The following CARS1 variants were observed in gnomAD, a reference collection of about 807,000 sequenced individuals.
CARS1 encodes cysteine--tRNA ligase, cytoplasmic.
CARS1 carries 48 observed loss-of-function variants against 106.2 expected under a neutral mutation model. The ratio of observed to expected loss-of-function variants is 0.45; its 90% confidence interval spans 0.36 to 0.57. The LOEUF is 0.57. CARS1 is among the 20% of genes least tolerant of loss of function. The pLI is 0.00. For missense variants in CARS1, 968 were observed against 1,057.2 expected (o/e 0.92, Z 1.17); for synonymous variants, 409 against 403.4 (o/e 1.01, Z -0.17).
At position 3,046,457 on chromosome 11, in the gene CARS1, G is replaced by T. The variant is rs3782077; in HGVS notation, c.274+1296C>A. Among the ~76,000 whole-genome samples the T allele has an allele frequency of 0.17, 26,445 of 152,112 alleles. 2,803 individuals are homozygous for T. The highest frequency in any genetic ancestry group is 0.29 in the South Asian group (1,401 of 4,826). ...GTGACCGCGCTGGAGGCTCAGGCAG[G>T]AACGGCTACATGGGGAAGGACGTGA... On this transcript the variant is annotated intron_variant, in intron 2 of 22. Coordinates refer to ENST00000380525, the MANE Select transcript of CARS1 (RefSeq NM_001014437.3). The surrounding 1 kb of genome is among the most constrained non-coding windows in gnomAD (Gnocchi z 5.8).
rs1389116271 is a variant in CARS1, at chr11:3,038,938, T to A, written c.651+256A>T. Among the ~76,000 whole-genome samples the A allele has an allele frequency of 6.6e-6, 1 of 152,218 alleles. No homozygotes were observed. Among genetic ancestry groups the A allele is most frequent in the African/African-American group, 2.4e-5 (1 of 41,448 alleles). On this transcript the variant is annotated intron_variant, in intron 6 of 22. Transcript: ENST00000380525. The surrounding 1 kb of genome is among the most constrained non-coding windows in gnomAD (Gnocchi z 4.0). ...GTGTAATTAGTGGCACTGTGATGAA[T>A]TCAGTTGTTTTCCTGTAAGTGGCAG...
At chr11:3,013,753 T>C (rs1390020832) in intron 17 of CARS1, among the ~76,000 whole-genome samples, 1 of 152,100 alleles carries the variant, frequency 6.6e-6, no homozygotes, top group Non-Finnish European at 1.5e-5. Context: ...CTCAGGAGGC[T>C]GAGGCAGGAG....
chr11:3,036,637 A>G (rs576009300), intron 7 of CARS1, among the ~76,000 whole-genome samples: 1 of 152,378 alleles, frequency 6.6e-6, no homozygotes, highest in East Asian at 1.9e-4. Context: ...TATCAAAAAT[A>G]GAATCATCAC....
rs978506195 is a variant in CARS1, at chr11:3,006,964, A to C, written c.2069-5T>G. On this transcript the variant is annotated splice_region_variant and splice_polypyrimidine_tract_variant and intron_variant, in intron 18 of 22. Coordinates refer to ENST00000380525, the MANE Select transcript of CARS1 (RefSeq NM_001014437.3). ...TGAGCTGCAGAATCTCAGGGACTGT[A>C]GGAGAAGCAGAGCAGTTCCCTCAGA... The C allele has an allele frequency of 1.2e-6, 2 of 1,612,662 alleles. No homozygotes were observed. Among genetic ancestry groups the C allele is most frequent in the African/African-American group, 2.7e-5 (2 of 74,914 alleles).
In CARS1 at chr11:3,029,110, G is replaced by A; in HGVS notation, c.943-26C>T. ...CTGTGCAAGACATGAGAATGTCCTGGGATTTTCCCTTCTGAAAACCACGCG... is the reference window on the plus strand; with the variant it reads ...CTGTGCAAGACATGAGAATGTCCTGAGATTTTCCCTTCTGAAAACCACGCG... On this transcript the variant is annotated intron_variant, in intron 8 of 22. Coordinates refer to ENST00000380525, the MANE Select transcript of CARS1 (RefSeq NM_001014437.3). The surrounding 1 kb of genome is among the most constrained non-coding windows in gnomAD (Gnocchi z 5.9). The A allele has an allele frequency of 6.4e-7, 1 of 1,574,194 alleles. No homozygotes were observed. Among genetic ancestry groups the A allele is most frequent in the Non-Finnish European group, 8.7e-7 (1 of 1,143,786 alleles).
intron 16 of CARS1, 38 bp from the exon 17 acceptor site, chr11:3,015,887 A>T: frequency 1.3e-6 from 2 of 1,560,074 alleles, no homozygotes; most frequent in South Asian, 2.2e-5. Context: ...AGCTGCGGCA[A>T]GATGAAGGCG....
rs372301669 is a variant in CARS1 at position 3,018,075 on chromosome 11, C to A, written c.1630-121G>T. 6.4e-4 allele frequency: 429 copies of A among 666,998 alleles called. 1 individual carries two copies. The highest frequency in any genetic ancestry group is 4.6e-3 in the South Asian group (257 of 55,524). The allele number at this position is 666,998 out of a possible 1,614,324, so 41.3% of individuals were successfully genotyped here. A position where few individuals can be genotyped will look rare whatever the true frequency, so the allele number is the denominator to read the frequency against. ...AAAAATCTGAAAGACCAGAATTACA[C>A]AAGTGGTCAGAAAGAAAGGAAAAGA... On this transcript the variant is annotated intron_variant, in intron 14 of 22. Transcript: ENST00000380525.
chr11:3,011,755 G>C (rs919605977), intron 18 of CARS1, among the ~76,000 whole-genome samples: 5 of 152,194 alleles, frequency 3.3e-5, no homozygotes, highest in African/African-American at 4.8e-5. Flanking sequence ...GGCTCCACTC[G>C]GCAGCAGGAA....
At position 3,038,272 on chromosome 11, in the gene CARS1, G is replaced by C; in HGVS notation, c.652-73C>G. ...ACCTAAATTCATAAAGGTGATTCCA[G>C]GTAGAAAACAGAACGGTTTTTCCCA... On this transcript the variant is annotated intron_variant, in intron 6 of 22. Coordinates refer to ENST00000380525, the MANE Select transcript of CARS1 (RefSeq NM_001014437.3). This position sits in a 1 kb window ranked among gnomAD's most constrained non-coding sequence, Gnocchi z 4.0. 1 of 1,421,950 alleles carries C rather than the reference G, an allele frequency of 7.0e-7. No homozygotes were observed. Among genetic ancestry groups the C allele is most frequent in the Non-Finnish European group, 9.8e-7 (1 of 1,018,594 alleles). The allele number at this position is 1,421,950 out of a possible 1,614,324, so 88.1% of individuals were successfully genotyped here. A position where few individuals can be genotyped will look rare whatever the true frequency, so the allele number is the denominator to read the frequency against.
Position 3,048,945 on chromosome 11 carries a change from A to G in CARS1, c.26-944T>C, listed in dbSNP as rs545885283. The stretch of plus-strand genomic sequence containing the variant: ...CCCAAGAGCCACTGTTCCGCATGTC[A>G]CCATTGGGAGGAGGAGCAGAACCCT... On this transcript the variant is annotated intron_variant, in intron 1 of 22. Coordinates refer to ENST00000380525, the MANE Select transcript of CARS1 (RefSeq NM_001014437.3). The surrounding 1 kb of genome is among the most constrained non-coding windows in gnomAD (Gnocchi z 5.1). Among the ~76,000 whole-genome samples the G allele has an allele frequency of 6.6e-6, 1 of 152,148 alleles. No individual in the cohort carries two copies. The highest frequency in any genetic ancestry group is 1.5e-5 in the Non-Finnish European group (1 of 68,018).
Position 3,005,226 on chromosome 11 carries a change from T to A in CARS1, c.2217+140A>T, listed in dbSNP as rs546258018. Reference sequence around the variant, plus strand: ...CCTTCATTAGAAGATACTAGTTAATTTTTCTTTCTGACATTTATAAATACT... The same window carrying A: ...CCTTCATTAGAAGATACTAGTTAATATTTCTTTCTGACATTTATAAATACT... On this transcript the variant is annotated intron_variant, in intron 20 of 22. Coordinates refer to ENST00000380525, the MANE Select transcript of CARS1 (RefSeq NM_001014437.3). The A allele has an allele frequency of 8.0e-6, 5 of 628,418 alleles. No individual in the cohort carries two copies. In the African/African-American group the frequency reaches 9.5e-5, roughly 12 times the overall value. 38.9% of individuals were successfully genotyped at this position (628,418 alleles called of 1,614,324 possible).
rs1251807815 is a variant in CARS1 at position 3,045,778 on chromosome 11, A to G, written c.274+1975T>C. 1.3e-5 allele frequency among the ~76,000 whole-genome samples: 2 copies of G among 152,178 alleles called. No individual in the cohort carries two copies. The highest frequency in any genetic ancestry group is 3.9e-4 in the East Asian group (2 of 5,188). On this transcript the variant is annotated intron_variant, in intron 2 of 22. Coordinates refer to ENST00000380525, the MANE Select transcript of CARS1 (RefSeq NM_001014437.3). This position sits in a 1 kb window ranked among gnomAD's most constrained non-coding sequence, Gnocchi z 5.6. ...CATGCTTGGGGAGTATGAGCCATGG[A>G]AAGAGAGGGCGTTCCCACTCAGTGG...
At chr11:3,031,100 T>A (rs1246612461) in intron 7 of CARS1, 1 of 152,196 alleles carries the variant, frequency 6.6e-6, no homozygotes, top group Admixed American at 6.5e-5. Context: ...AAGACACATC[T>A]GAGAATTTCT....
rs778031498 is a variant in CARS1, at chr11:3,034,367, C to T, written c.801+3683G>A. Reference sequence around the variant, plus strand: ...TCCAGAGTAGCTGGGATTACAGACGCGCGCCACCACATTTGGCTAATTTTT... The same window carrying T: ...TCCAGAGTAGCTGGGATTACAGACGTGCGCCACCACATTTGGCTAATTTTT... On this transcript the variant is annotated intron_variant, in intron 7 of 22. Transcript: ENST00000380525. This position sits in a 1 kb window ranked among gnomAD's most constrained non-coding sequence, Gnocchi z 6.3. Among the ~76,000 whole-genome samples, 4 of 151,934 alleles carry T rather than the reference C, an allele frequency of 2.6e-5. No individual in the cohort carries two copies. Among genetic ancestry groups the T allele is most frequent in the South Asian group, 2.1e-4 (1 of 4,808 alleles).
chr11:3,023,497 C>T (rs1019523680), intron 10 of CARS1, among the ~76,000 whole-genome samples: 2 of 152,274 alleles, frequency 1.3e-5, no homozygotes, highest in African/African-American at 2.4e-5. Context: ...CTGGCTCAAG[C>T]AACCCTCTTA....
Position 3,048,070 on chromosome 11 carries a change from G to C in CARS1, c.26-69C>G. ...AGCCCAGAGGCCGCCAGAAAGACAG[G>C]GACTAGGGGATGGCACAGAACCAAG... On this transcript the variant is annotated intron_variant, in intron 1 of 22. Transcript: ENST00000380525. This position sits in a 1 kb window ranked among gnomAD's most constrained non-coding sequence, Gnocchi z 5.1. The C allele has an allele frequency of 6.4e-7, 1 of 1,568,678 alleles. No homozygotes were observed. The highest frequency in any genetic ancestry group is 8.7e-7 in the Non-Finnish European group (1 of 1,153,094).
chr11:3,025,828 T>A (rs1372976028), intron 10 of CARS1, among the ~76,000 whole-genome samples: 1 of 152,208 alleles, frequency 6.6e-6, no homozygotes, highest in African/African-American at 2.4e-5. Flanking sequence ...TGGATCCAGA[T>A]GGGCGCACAG....
rs1849472102 is a variant in CARS1, at chr11:3,002,371, G to A, written c.2277+170C>T. ...TGGCCAGGCCTTCCCTGCACCCCAT[G>A]TGAGAAGGGCCTGGCAGGCCTTGGG... is the stretch of plus-strand genomic sequence containing the variant. On this transcript the variant is annotated intron_variant, in intron 21 of 22. Coordinates refer to ENST00000380525, the MANE Select transcript of CARS1 (RefSeq NM_001014437.3). 4 of 1,301,050 alleles carry A rather than the reference G, an allele frequency of 3.1e-6. No homozygotes were observed. The East Asian group carries it at 9.3e-5, about 30-fold the overall frequency. 80.6% of individuals were successfully genotyped at this position (1,301,050 alleles called of 1,614,324 possible).
chr11:3,056,699 C>G (rs1856236520), intron 1 of CARS1, among the ~76,000 whole-genome samples: 1 of 152,238 alleles, frequency 6.6e-6, no homozygotes, highest in South Asian at 2.1e-4. Flanking sequence ...CTCCGCCCAC[C>G]TCCCGGAAGC....
Sources: gnomAD v4.1 joint callset for allele counts (sites outside exome capture counted in the v4.1 genomes callset) on GRCh38, gnomAD v4.1.1 for gene constraint, Gnocchi (gnomAD v3.1) non-coding constraint, MANE v1.5 for transcripts, NCBI Gene and HGNC (gene_info 2026-07-23, HGNC 2026-07-21) for gene names.